RBFOX1: variants seen among roughly 807,000 people sequenced by gnomAD.
The protein encoded by RBFOX1 is RNA binding fox-1 homolog 1, also known as RNA binding protein fox-1 homolog 1.
In RBFOX1, 8 loss-of-function variants were observed where a neutral mutation model predicts 57.7. That is an observed-to-expected ratio of 0.14 (90% CI 0.08 to 0.25). The LOEUF is 0.25. Among genes scored for constraint, RBFOX1 ranks in the 10% least tolerant of loss-of-function variants. The pLI is 1.00. For missense variants in RBFOX1, 611 were observed against 548.5 expected (o/e 1.11, Z -1.14); for synonymous variants, 326 against 222.4 (o/e 1.47, Z -4.15).
intron 1 of RBFOX1, among the ~76,000 whole-genome samples, chr16:6,112,981 A>C (rs2152580392): frequency 6.6e-6 from 1 of 152,300 alleles, no homozygotes; most frequent in Middle Eastern, 3.4e-3. Flanking sequence ...GCACCATTGA[A>C]GCCAAGAAAA....
At chr16:7,280,560 G>A (rs1436722156) in intron 4 of RBFOX1, among the ~76,000 whole-genome samples, 3 of 152,194 alleles carry the variant, frequency 2.0e-5, no homozygotes, top group Non-Finnish European at 2.9e-5. Context: ...CACTAGGGCT[G>A]TAGTCCAGGG....
At chr16:7,421,936 T>G (rs1418885230) in intron 4 of RBFOX1, among the ~76,000 whole-genome samples, 1 of 152,218 alleles carries the variant, frequency 6.6e-6, no homozygotes, top group African/African-American at 2.4e-5. Flanking sequence ...CATTATTTTA[T>G]GTCATGCCCA....
chr16:6,543,293 G>C (rs2096849546), intron 2 of RBFOX1, among the ~76,000 whole-genome samples: 1 of 152,090 alleles, frequency 6.6e-6, no homozygotes, highest in South Asian at 2.1e-4. Flanking sequence ...AATTGGAACA[G>C]TTGCCCCTCC....
intron 2 of RBFOX1, among the ~76,000 whole-genome samples, chr16:6,542,483 C>CTTTTTTTGTTTTTTTTTTT (rs2096835243): frequency 1.8e-5 from 1 of 55,720 alleles, no homozygotes. Context: ...GGACCATAGT[C>CTTTTTTTGTTTTTTTTTTT]TTTTTTTTTT....
intron 14 of RBFOX1, among the ~76,000 whole-genome samples, chr16:7,681,858 G>A (rs2074845646): frequency 6.6e-6 from 1 of 152,094 alleles, no homozygotes; most frequent in African/African-American, 2.4e-5. Flanking sequence ...AAGTTTGATA[G>A]GGATTGAAAA....
chr16:5,389,800 C>G (rs1019167827), intron 1 of RBFOX1, among the ~76,000 whole-genome samples: 1 of 151,980 alleles, frequency 6.6e-6, no homozygotes, highest in African/African-American at 2.4e-5. Context: ...CAGGCTCAAG[C>G]GATTCTTCTG....
chr16:7,202,689 A>G (rs2152731637), intron 4 of RBFOX1, among the ~76,000 whole-genome samples: 1 of 152,114 alleles, frequency 6.6e-6, no homozygotes, highest in Admixed American at 6.5e-5. Context: ...AGCAGCACAA[A>G]CTCTTTTGTG....
At chr16:7,613,445 C>T (rs576168898) in intron 10 of RBFOX1, among the ~76,000 whole-genome samples, 1 of 152,208 alleles carries the variant, frequency 6.6e-6, no homozygotes, top group South Asian at 2.1e-4. Context: ...AAAGTCACCT[C>T]GACTGATTAT....
intron 5 of RBFOX1, among the ~76,000 whole-genome samples, chr16:7,530,435 A>G (rs1011483505): frequency 3.4e-4 from 51 of 151,328 alleles, no homozygotes; most frequent in African/African-American, 2.2e-4. Flanking sequence ...TTGCTATCCT[A>G]TTTTGGTTCC....
intron 2 of RBFOX1, among the ~76,000 whole-genome samples, chr16:6,641,356 C>T (rs1038971973): frequency 2.6e-5 from 4 of 152,136 alleles, no homozygotes; most frequent in African/African-American, 7.2e-5. Context: ...TGACATCTGT[C>T]ATTTTCTGGT....
chr16:7,615,969 C>T (rs921109840), intron 10 of RBFOX1, among the ~76,000 whole-genome samples: 1 of 152,214 alleles, frequency 6.6e-6, no homozygotes, highest in Non-Finnish European at 1.5e-5. Flanking sequence ...AATGTATGAA[C>T]AGCTGCAGTC....
At chr16:6,725,287 G>A (rs1397228392) in intron 3 of RBFOX1, among the ~76,000 whole-genome samples, 1 of 151,764 alleles carries the variant, frequency 6.6e-6, no homozygotes, top group Non-Finnish European at 1.5e-5. Context: ...TCCTGACCTC[G>A]TGATCCACCC....
chr16:7,487,011 T>A (rs1424436930), intron 4 of RBFOX1, among the ~76,000 whole-genome samples: 1 of 152,172 alleles, frequency 6.6e-6, no homozygotes, highest in East Asian at 1.9e-4. Context: ...GCAGTTCTCC[T>A]GTCTCAGCCT....
chr16:6,849,687 A>G (rs933061192), intron 3 of RBFOX1, among the ~76,000 whole-genome samples: 1 of 152,088 alleles, frequency 6.6e-6, no homozygotes, highest in Non-Finnish European at 1.5e-5. Context: ...AAAACAAAAT[A>G]AAACAAAAAA....
At chr16:6,657,923 T>A (rs2098671741) in intron 3 of RBFOX1, among the ~76,000 whole-genome samples, 1 of 152,192 alleles carries the variant, frequency 6.6e-6, no homozygotes, top group East Asian at 1.9e-4. Context: ...TTTTTTATTA[T>A]TTTTTATTTT....
chr16:7,197,440 G>GAAAAAAAAAAAAAAAAAAAAA (rs57893229), intron 4 of RBFOX1, among the ~76,000 whole-genome samples: 2 of 91,324 alleles, frequency 2.2e-5, no homozygotes, highest in Non-Finnish European at 4.2e-5. Flanking sequence ...CCTGTGAGTG[G>GAAAAAAAAAAAAAAAAAAAAA]AAAAAAAAAA....
At chr16:5,390,074 A>G (rs1296697174) in intron 1 of RBFOX1, among the ~76,000 whole-genome samples, 3 of 152,156 alleles carry the variant, frequency 2.0e-5, no homozygotes, top group African/African-American at 7.2e-5. Context: ...GAAGTATGAC[A>G]TGCCTACAGA....
At chr16:5,841,992 C>A (rs1199547629) in intron 3 of RBFOX1, among the ~76,000 whole-genome samples, 3 of 152,234 alleles carry the variant, frequency 2.0e-5, no homozygotes, top group Non-Finnish European at 4.4e-5. Context: ...AGGCACACCA[C>A]GCCCCATCCT....
At chr16:7,070,713 T>G (rs1366071083) in intron 4 of RBFOX1, among the ~76,000 whole-genome samples, 1 of 152,210 alleles carries the variant, frequency 6.6e-6, no homozygotes, top group East Asian at 1.9e-4. Context: ...CTTTTCTAAG[T>G]AGGCAAGAGC....
Sources: allele counts gnomAD v4.1 joint callset (sites outside exome capture counted in the v4.1 genomes callset), GRCh38; gene constraint gnomAD v4.1.1; transcripts MANE v1.5; gene names NCBI Gene and HGNC (gene_info 2026-07-23, HGNC 2026-07-21).